The following BCKDHB variants were observed in gnomAD, a reference collection of about 807,000 sequenced individuals.
BCKDHB encodes 2-oxoisovalerate dehydrogenase subunit beta, mitochondrial.
A neutral mutation model predicts 48.5 loss-of-function variants in BCKDHB; 41 were observed. The observed-to-expected ratio is 0.85, with a 90% CI of 0.66 to 1.10. The LOEUF is 1.10. BCKDHB is among the 50% of genes least tolerant of loss of function. The pLI is 0.00. For synonymous variants in BCKDHB, 201 were observed against 174.8 expected, an observed-to-expected ratio of 1.15 and a Z score of -1.18; for missense variants, 496 against 494.2, an observed-to-expected ratio of 1.00 and a Z score of -0.03.
At chr6:80,277,191 TC>T (rs1195152754) in intron 9 of BCKDHB, among the ~76,000 whole-genome samples, 1 of 152,118 alleles carries the variant, frequency 6.6e-6, no homozygotes, top group Non-Finnish European at 1.5e-5. Flanking sequence ...TTTAGATAAT[TC>T]ATTGTTCTTT....
At chr6:80,208,398 T>G (rs147717175) in intron 8 of BCKDHB, among the ~76,000 whole-genome samples, 1 of 151,828 alleles carries the variant, frequency 6.6e-6, no homozygotes, top group African/African-American at 2.4e-5. Flanking sequence ...TTAAAAAAAT[T>G]AATGATCTGA....
chr6:80,246,045 C>T (rs1776598062), intron 8 of BCKDHB, among the ~76,000 whole-genome samples: 1 of 152,112 alleles, frequency 6.6e-6, no homozygotes, highest in South Asian at 2.1e-4. Context: ...CCCTGCACTC[C>T]AATGTGTGTG....
At chr6:80,152,716 A>G (rs942354875) in intron 3 of BCKDHB, among the ~76,000 whole-genome samples, 14 of 152,232 alleles carry the variant, frequency 9.2e-5, no homozygotes, top group African/African-American at 3.1e-4. Context: ...ATGGGCCCAT[A>G]GCCTTATCAA....
chr6:80,384,345 CTTCT>C, the BCKDHB span, among the ~76,000 whole-genome samples: 331 of 15,182 alleles, frequency 0.022, 2 homozygotes, highest in Admixed American at 0.037. Flanking sequence ...TCTTCTTCTT[CTTCT>C]TTTTTTTTTT....
chr6:80,426,346 T>G, the BCKDHB span, among the ~76,000 whole-genome samples: 3 of 152,090 alleles, frequency 2.0e-5, no homozygotes, highest in African/African-American at 7.2e-5. Flanking sequence ...CTCTTACCTT[T>G]ATTATTGTCT....
intron 8 of BCKDHB, among the ~76,000 whole-genome samples, chr6:80,203,606 A>G (rs1278797088): frequency 6.6e-6 from 1 of 152,016 alleles, no homozygotes; most frequent in African/African-American, 2.4e-5. Flanking sequence ...CTGAATTTTC[A>G]TTTATCTTCT....
chr6:80,145,976 A>G (rs891643090), intron 3 of BCKDHB, among the ~76,000 whole-genome samples: 1 of 152,094 alleles, frequency 6.6e-6, no homozygotes, highest in Non-Finnish European at 1.5e-5. Flanking sequence ...AGTTGTGTGT[A>G]TGTGTGTATA....
chr6:80,452,768 G>A, the BCKDHB span, among the ~76,000 whole-genome samples: 1 of 152,128 alleles, frequency 6.6e-6, no homozygotes, highest in Non-Finnish European at 1.5e-5. Context: ...GAAGGAGGAA[G>A]AGTCAACAGC....
At chr6:80,182,987 A>G (rs991394948) in intron 6 of BCKDHB, among the ~76,000 whole-genome samples, 1 of 152,194 alleles carries the variant, frequency 6.6e-6, no homozygotes, top group South Asian at 2.1e-4. Context: ...CTTCACATGT[A>G]TCCTTTCCCT....
At chr6:80,119,482 C>A (rs1392624274) in intron 1 of BCKDHB, among the ~76,000 whole-genome samples, 1 of 152,024 alleles carries the variant, frequency 6.6e-6, no homozygotes, top group Non-Finnish European at 1.5e-5. Context: ...CCATACTGGG[C>A]TAATTTTTTG....
chr6:80,388,981 C>T, the BCKDHB span, among the ~76,000 whole-genome samples: 1 of 152,182 alleles, frequency 6.6e-6, no homozygotes, highest in Non-Finnish European at 1.5e-5. Context: ...AATGGTTTCA[C>T]TGGCTGGTCA....
intron 6 of BCKDHB, among the ~76,000 whole-genome samples, chr6:80,173,209 G>A (rs12661916): frequency 6.6e-6 from 1 of 152,106 alleles, no homozygotes; most frequent in Non-Finnish European, 1.5e-5. Flanking sequence ...ATTTGTCCTA[G>A]GCTTGGCCCT....
At chr6:80,366,910 C>A in the BCKDHB span, among the ~76,000 whole-genome samples, 2 of 152,200 alleles carry the variant, frequency 1.3e-5, no homozygotes, top group Non-Finnish European at 2.9e-5. Flanking sequence ...AGCCATGTTC[C>A]TGGAGCCCTG....
chr6:80,415,993 G>A, the BCKDHB span, among the ~76,000 whole-genome samples: 6 of 151,692 alleles, frequency 4.0e-5, no homozygotes, highest in South Asian at 1.3e-3. Context: ...TCCTGGTTCT[G>A]TTTTGGGAGG....
chr6:80,392,351 A>G, the BCKDHB span, among the ~76,000 whole-genome samples: 565 of 150,970 alleles, frequency 3.7e-3, no homozygotes, highest in African/African-American at 0.013. Flanking sequence ...ATTTTGTTCT[A>G]TTAGGGCTGT....
intron 9 of BCKDHB, among the ~76,000 whole-genome samples, chr6:80,308,135 A>C (rs1462238352): frequency 6.6e-6 from 1 of 152,128 alleles, no homozygotes; most frequent in African/African-American, 2.4e-5. Context: ...TCCACTAAGC[A>C]GTGGCTATTT....
intron 9 of BCKDHB, among the ~76,000 whole-genome samples, chr6:80,288,450 G>A (rs1030433497): frequency 2.7e-4 from 41 of 151,982 alleles, no homozygotes; most frequent in African/African-American, 9.4e-4. Context: ...TAGGGTCTAC[G>A]TTTTTGAAAA....
At chr6:80,292,396 A>G (rs1250187444) in intron 9 of BCKDHB, among the ~76,000 whole-genome samples, 1 of 152,196 alleles carries the variant, frequency 6.6e-6, no homozygotes, top group Non-Finnish European at 1.5e-5. Context: ...GGCAGCAAGC[A>G]AAAGAGAACA....
At position 80,194,415 on chromosome 6, in the gene BCKDHB, A is replaced by C. The variant is rs549579816; in HGVS notation, c.743-6519A>C. On this transcript the variant is annotated intron_variant, in intron 6 of 9. Coordinates refer to ENST00000320393, the MANE Select transcript of BCKDHB (RefSeq NM_183050.4). ...TACAATACTATTAACTGCTCTGTTC[A>C]CTTAATTCCAATTTCGTTAATTGCC... Among the ~76,000 whole-genome samples the C allele has an allele frequency of 2.0e-5, 3 of 152,298 alleles. No homozygotes were observed. In the South Asian group the frequency reaches 6.2e-4, roughly 32 times the overall value.
Sources: gnomAD v4.1 joint callset for allele counts (sites outside exome capture counted in the v4.1 genomes callset) on GRCh38, gnomAD v4.1.1 for gene constraint, MANE v1.5 for transcripts, NCBI Gene and HGNC (gene_info 2026-07-23, HGNC 2026-07-21) for gene names.